CFAP58: variants seen among roughly 807,000 people sequenced by gnomAD.
CFAP58 encodes the protein cilia- and flagella-associated protein 58.
In CFAP58, 88 loss-of-function variants were observed where a neutral mutation model predicts 119.5. The observed-to-expected ratio is 0.74, with a 90% CI of 0.62 to 0.88. The LOEUF is 0.88. Ranked by LOEUF, CFAP58 falls within the 40% of genes least tolerant of loss-of-function variation. The pLI is 0.00. For synonymous variants in CFAP58, 365 were observed against 366.3 expected (o/e 1.00, Z 0.04); for missense variants, 990 against 1,021.2 (o/e 0.97, Z 0.42).
In CFAP58 at chr10:104,421,407, T is replaced by G. The variant is rs1168716687; in HGVS notation, c.2256+14614T>G. 5.3e-5 allele frequency among the ~76,000 whole-genome samples: 8 copies of G among 152,378 alleles called. No individual in the cohort carries two copies. The South Asian group carries it at 1.7e-3, about 32-fold the overall frequency. On this transcript the variant is annotated intron_variant, in intron 15 of 17. Coordinates refer to ENST00000369704, the MANE Select transcript of CFAP58 (RefSeq NM_001008723.2). ...ATACTGCTGATGGCCCAGGCCATTATGTGCTATATATCCCCTGCCTATGTG... is the reference window on the plus strand; with the variant it reads ...ATACTGCTGATGGCCCAGGCCATTAGGTGCTATATATCCCCTGCCTATGTG...
At chr10:104,441,749 C>T (rs528253841) in intron 15 of CFAP58, among the ~76,000 whole-genome samples, 11 of 152,146 alleles carry the variant, frequency 7.2e-5, no homozygotes, top group Non-Finnish European at 1.5e-4. Context: ...ACTGTGTAAC[C>T]GACTAGTTCC....
chr10:104,413,249 G>A (rs1458934752), intron 15 of CFAP58, among the ~76,000 whole-genome samples: 2 of 152,190 alleles, frequency 1.3e-5, no homozygotes, highest in Admixed American at 6.5e-5. Flanking sequence ...GACTTTTCAG[G>A]AGTCTGGAAT....
At chr10:104,366,977 C>G (rs1327677586) in intron 5 of CFAP58, among the ~76,000 whole-genome samples, 1 of 152,066 alleles carries the variant, frequency 6.6e-6, no homozygotes, top group Non-Finnish European at 1.5e-5. Flanking sequence ...AAGCGATTCT[C>G]CTGCCTCAGT....
intron 7 of CFAP58, among the ~76,000 whole-genome samples, chr10:104,373,034 G>A (rs114858537): frequency 0.011 from 1,725 of 151,854 alleles, 25 homozygotes; most frequent in African/African-American, 0.04. Flanking sequence ...AGTTCAGTAG[G>A]GTGGCAGGTT....
chr10:104,407,313 CCATCATCAT>C (rs543463749), intron 15 of CFAP58, among the ~76,000 whole-genome samples: 1 of 151,988 alleles, frequency 6.6e-6, no homozygotes, highest in Non-Finnish European at 1.5e-5. Flanking sequence ...TTCCTCACTG[CCATCATCAT>C]CATCATCATC....
chr10:104,413,523 G>A (rs190674528), intron 15 of CFAP58, among the ~76,000 whole-genome samples: 5 of 152,132 alleles, frequency 3.3e-5, no homozygotes, highest in Admixed American at 6.5e-5. Context: ...GAGAAGCAGG[G>A]GCAATGGAAA....
the CFAP58 span, among the ~76,000 whole-genome samples, chr10:104,348,316 TTC>T: frequency 0.011 from 1,714 of 152,338 alleles, 21 homozygotes; most frequent in Middle Eastern, 0.024. Context: ...AAGTCAGTGT[TTC>T]TGCTTTTTTG....
Position 104,357,813 on chromosome 10 carries a change from ATG to A in CFAP58, c.10-526_10-525del, listed in dbSNP as rs914951853. On this transcript the variant is annotated intron_variant, in intron 1 of 17. Coordinates refer to ENST00000369704, the MANE Select transcript of CFAP58 (RefSeq NM_001008723.2). The stretch of plus-strand genomic sequence containing the variant: ...TATACATATATATACACACATATAT[ATG>A]TACATATATACACATATATGTACAC... Among the ~76,000 whole-genome samples, 6 of 148,958 alleles carry A rather than the reference ATG, an allele frequency of 4.0e-5. 1 individual carries two copies. Among genetic ancestry groups the A allele is most frequent in the African/African-American group, 1.5e-4 (6 of 39,782 alleles).
At chr10:104,365,174 G>C (rs1179810979) in intron 4 of CFAP58, among the ~76,000 whole-genome samples, 1 of 152,108 alleles carries the variant, frequency 6.6e-6, no homozygotes, top group East Asian at 1.9e-4. Context: ...TGAAGGCCAG[G>C]GGGCCCAACA....
chr10:104,412,593 C>T (rs1475563860), intron 15 of CFAP58, among the ~76,000 whole-genome samples: 1 of 152,154 alleles, frequency 6.6e-6, no homozygotes, highest in Non-Finnish European at 1.5e-5. Context: ...TCTGTACTCA[C>T]AATAGAATAT....
chr10:104,392,356 G>C lies in CFAP58; in HGVS notation c.1489G>C (p.Asp497His). 1.2e-6 allele frequency: 2 copies of C among 1,606,068 alleles called. No homozygotes were observed. The highest frequency in any genetic ancestry group is 1.7e-6 in the Non-Finnish European group (2 of 1,177,038). ...GAACCTATATGAAGCTGTGAGATCAGACAGAAATCTGTATAGCAAAAATCT... is the reference window on the plus strand; with the variant it reads ...GAACCTATATGAAGCTGTGAGATCACACAGAAATCTGTATAGCAAAAATCT... ...QQNLYEAVRS[D>H]RNLYSKNLVE... Residue 497 changes from aspartate (D) to histidine (H), a missense_variant, in exon 10 of 18, where the codon GAC (aspartate) becomes CAC (histidine). Transcript: ENST00000369704.
At chr10:104,369,514 T>C (rs1054990836) in intron 6 of CFAP58, among the ~76,000 whole-genome samples, 1 of 152,176 alleles carries the variant, frequency 6.6e-6, no homozygotes, top group African/African-American at 2.4e-5. Flanking sequence ...TGAAAAACTT[T>C]TAAAACAGCC....
chr10:104,384,564 T>C (rs1467783059), intron 9 of CFAP58, among the ~76,000 whole-genome samples: 3 of 152,236 alleles, frequency 2.0e-5, no homozygotes, highest in Non-Finnish European at 4.4e-5. Context: ...AATGCTTCTA[T>C]GGCAAGAACT....
chr10:104,438,499 C>T (rs1291644610), intron 15 of CFAP58, among the ~76,000 whole-genome samples: 2 of 151,498 alleles, frequency 1.3e-5, no homozygotes, highest in African/African-American at 4.8e-5. Flanking sequence ...CCTCAGCCTC[C>T]CGAGTAGCTG....
intron 1 of CFAP58, among the ~76,000 whole-genome samples, chr10:104,357,981 A>G (rs531581640): frequency 1.4e-5 from 2 of 143,762 alleles, no homozygotes; most frequent in Admixed American, 6.8e-5. Context: ...ATATGTACAT[A>G]TGTACACATA....
chr10:104,358,220 A>C, intron 1 of CFAP58, 121 bp from the exon 2 acceptor site: 1 of 936,620 alleles, frequency 1.1e-6, no homozygotes, highest in Non-Finnish European at 1.6e-6. Context: ...TTTTCTGCTT[A>C]TCAGTGGTTT....
chr10:104,361,511 G>T (rs2014665943), intron 2 of CFAP58, among the ~76,000 whole-genome samples: 1 of 152,016 alleles, frequency 6.6e-6, no homozygotes, highest in African/African-American at 2.4e-5. Flanking sequence ...TCAATTTAGG[G>T]CTTGGATCTA....
intron 15 of CFAP58, among the ~76,000 whole-genome samples, chr10:104,418,891 G>T (rs1221385575): frequency 6.6e-6 from 1 of 152,212 alleles, no homozygotes; most frequent in Non-Finnish European, 1.5e-5. Flanking sequence ...GTGGGACTGA[G>T]AGGTACAGTG....
At chr10:104,434,299 A>C (rs954303812) in intron 15 of CFAP58, among the ~76,000 whole-genome samples, 2 of 152,112 alleles carry the variant, frequency 1.3e-5, no homozygotes, top group East Asian at 3.8e-4. Context: ...TATAGGCCTA[A>C]TTAGCTATTT....
Sources: allele counts gnomAD v4.1 joint callset (sites outside exome capture counted in the v4.1 genomes callset), GRCh38; gene constraint gnomAD v4.1.1; transcripts MANE v1.5; gene names NCBI Gene and HGNC (gene_info 2026-07-23, HGNC 2026-07-21).